KLHL14: variants seen among roughly 807,000 people sequenced by gnomAD.
The protein encoded by KLHL14 is kelch like family member 14.
A neutral mutation model predicts 64.3 loss-of-function variants in KLHL14; 22 were observed. The ratio of observed to expected loss-of-function variants is 0.34; its 90% CI spans 0.24 to 0.49. The LOEUF (loss-of-function observed/expected upper bound fraction) is 0.49, where lower values mean the gene tolerates loss of function less well. Among genes scored for constraint, KLHL14 ranks in the 20% least tolerant of loss-of-function variants. The pLI is 0.99. For missense variants in KLHL14, 661 were observed against 789.0 expected (o/e 0.84, Z 1.94); for synonymous variants, 322 against 333.4 (o/e 0.97, Z 0.37).
chr18:32,682,591 C>G (rs1487916542), intron 5 of KLHL14, among the ~76,000 whole-genome samples: 1 of 152,084 alleles, frequency 6.6e-6, no homozygotes, highest in African/African-American at 2.4e-5. Flanking sequence ...TGAGATTTTT[C>G]TGGTATGAGG....
chr18:32,680,066 T>G lies in KLHL14; in HGVS notation c.1588+103A>C, dbSNP rs916220418. 6 of 1,185,822 alleles carry G rather than the reference T, an allele frequency of 5.1e-6. No homozygotes were observed. The highest frequency in any genetic ancestry group is 7.0e-6 in the Non-Finnish European group (6 of 854,820). 73.5% of individuals were successfully genotyped at this position (1,185,822 alleles called of 1,614,324 possible). A position where few individuals can be genotyped will look rare whatever the true frequency, so the allele number is the denominator to read the frequency against. On this transcript the variant is annotated intron_variant, in intron 7 of 8. Coordinates refer to ENST00000359358, the MANE Select transcript of KLHL14 (RefSeq NM_020805.3). This position sits in a 1 kb window ranked among gnomAD's most constrained non-coding sequence, Gnocchi z 4.8. ...GTAGATTTTATTAGGTCAACATGTTTTTTACTTGGTTAACTATGATTATCT... is the reference window on the plus strand; with the variant it reads ...GTAGATTTTATTAGGTCAACATGTTGTTTACTTGGTTAACTATGATTATCT...
intron 3 of KLHL14, among the ~76,000 whole-genome samples, chr18:32,700,913 G>T (rs2049963277): frequency 6.6e-6 from 1 of 152,144 alleles, no homozygotes; most frequent in Admixed American, 6.6e-5. Context: ...TGTGCAGGGT[G>T]CAGGTGCAAG....
intron 2 of KLHL14, among the ~76,000 whole-genome samples, chr18:32,756,780 T>C (rs1436755316): frequency 1.3e-5 from 2 of 152,358 alleles, no homozygotes; most frequent in Middle Eastern, 3.4e-3. Context: ...TTGTCAGGAT[T>C]CTAGGTGTTC....
Position 32,769,821 on chromosome 18 carries a change from C to T in KLHL14, c.771G>A (p.Ala257=), listed in dbSNP as rs770735957. 2.5e-6 allele frequency: 4 copies of T among 1,613,518 alleles called. No homozygotes were observed. The highest frequency in any genetic ancestry group is 3.4e-6 in the Non-Finnish European group (4 of 1,179,864). ...EHDRETRMQY[A]PDLMKRLRFA... is the part of the protein sequence containing the mutation. ...AGCGGAGGCGCTTCATGAGGTCAGG[C>T]GCATACTGCATGCGGGTCTCGCGGT... The change falls in exon 2 of 9, where the codon GCG becomes GCA. Residue 257 remains alanine, a synonymous_variant. Coordinates refer to ENST00000359358, the MANE Select transcript of KLHL14 (RefSeq NM_020805.3).
Position 32,683,354 on chromosome 18 carries a change from G to GACTT in KLHL14, c.1239-2759_1239-2756dup, listed in dbSNP as rs199679817. Among the ~76,000 whole-genome samples the GACTT allele has an allele frequency of 9.3e-3, 1,413 of 152,198 alleles. 17 individuals carry two copies. The highest frequency in any genetic ancestry group is 0.012 in the Non-Finnish European group (829 of 68,004). ...CCAATAGTAAAGATTCTGAGTCTTT[G>GACTT]ACTTATTCCCTTGCATGACCAAAGT... On this transcript the variant is annotated intron_variant, in intron 5 of 8. Coordinates refer to ENST00000359358, the MANE Select transcript of KLHL14 (RefSeq NM_020805.3). This position sits in a 1 kb window ranked among gnomAD's most constrained non-coding sequence, Gnocchi z 4.2.
chr18:32,741,855 T>G, intron 3 of KLHL14, 73 bp downstream of exon 3: 1 of 1,391,886 alleles, frequency 7.2e-7, no homozygotes, highest in African/African-American at 1.5e-5. Context: ...TTAACCATGT[T>G]TTCAAATTCA....
chr18:32,747,887 G>A (rs565134575), intron 2 of KLHL14, among the ~76,000 whole-genome samples: 34 of 152,184 alleles, frequency 2.2e-4, no homozygotes, highest in African/African-American at 8.0e-4. Context: ...ACAGCTATGC[G>A]TGACTATTTT....
chr18:32,764,313 T>TA (rs2050329429), intron 2 of KLHL14, among the ~76,000 whole-genome samples: 1 of 152,188 alleles, frequency 6.6e-6, no homozygotes, highest in South Asian at 2.1e-4. Context: ...TCCATTGTTT[T>TA]AATTAATCAC....
At chr18:32,684,278 A>G (rs1413934987) in intron 5 of KLHL14, among the ~76,000 whole-genome samples, 1 of 152,202 alleles carries the variant, frequency 6.6e-6, no homozygotes, top group Non-Finnish European at 1.5e-5. Flanking sequence ...CAGGCATGCA[A>G]TTCATGAGCT....
intron 3 of KLHL14, among the ~76,000 whole-genome samples, chr18:32,699,986 A>G (rs1003047374): frequency 2.0e-5 from 3 of 151,630 alleles, no homozygotes; most frequent in Non-Finnish European, 4.4e-5. Context: ...GATTCAAAAT[A>G]CCTTGGTTAC....
intron 3 of KLHL14, 113 bp from the exon 4 acceptor site, chr18:32,695,665 G>T (rs2049933240): frequency 1.5e-6 from 1 of 681,526 alleles, no homozygotes; most frequent in Non-Finnish European, 2.5e-6. Context: ...GACTGAGTCA[G>T]AGGAAGAAGA....
At chr18:32,685,252 T>C (rs1394611808) in intron 5 of KLHL14, among the ~76,000 whole-genome samples, 2 of 152,136 alleles carry the variant, frequency 1.3e-5, no homozygotes, top group African/African-American at 4.8e-5. Flanking sequence ...CATTACAGAC[T>C]ATCAAGTAAA....
intron 2 of KLHL14, among the ~76,000 whole-genome samples, chr18:32,759,317 T>G (rs2050301670): frequency 6.6e-6 from 1 of 152,172 alleles, no homozygotes; most frequent in Non-Finnish European, 1.5e-5. Flanking sequence ...CAGAATAGTG[T>G]CAATACTCAC....
In KLHL14 at chr18:32,687,057, G is replaced by A. The variant is rs574637630; in HGVS notation, c.1238+98C>T. ...TATTTTGCCTCATATGTCTTTCATT[G>A]ACTCTATTTAGCATTCCTTCTTACA... is the stretch of plus-strand genomic sequence containing the variant. On this transcript the variant is annotated intron_variant, in intron 5 of 8. Transcript: ENST00000359358. 1,701 of 963,436 alleles carry A rather than the reference G, an allele frequency of 1.8e-3. 13 individuals are homozygous for A. The highest frequency in any genetic ancestry group is 0.015 in the South Asian group (1,087 of 71,648). 59.7% of individuals were successfully genotyped at this position (963,436 alleles called of 1,614,324 possible).
intron 3 of KLHL14, among the ~76,000 whole-genome samples, chr18:32,723,882 T>A (rs754563001): frequency 1.3e-5 from 2 of 152,190 alleles, no homozygotes; most frequent in Non-Finnish European, 2.9e-5. Flanking sequence ...CCCTATGTTA[T>A]ATACCAAGCA....
intron 3 of KLHL14, among the ~76,000 whole-genome samples, chr18:32,726,913 A>G (rs942250835): frequency 1.0e-3 from 153 of 152,290 alleles, no homozygotes; most frequent in Non-Finnish European, 3.4e-4. Flanking sequence ...ATTTTCCAGT[A>G]GTGTTCCTGG....
At position 32,672,920 on chromosome 18, in the gene KLHL14, G is replaced by A. The variant is rs912101245; in HGVS notation, c.*1737C>T. ...AAGCAAAGGTTCTTGTACAAATTGT[G>A]ACTTTTGGAAGAAACAGTGACAGTT... On this transcript the variant is annotated 3_prime_UTR_variant, in exon 9 of 9. Transcript: ENST00000359358. 3.3e-5 allele frequency: 5 copies of A among 152,590 alleles called. No homozygotes were observed. The highest frequency in any genetic ancestry group is 9.7e-5 in the African/African-American group (4 of 41,440). The allele number at this position is 152,590 out of a possible 1,614,324, so 9.5% of individuals were successfully genotyped here. A position where few individuals can be genotyped will look rare whatever the true frequency, so the allele number is the denominator to read the frequency against.
chr18:32,755,999 C>G (rs892198041), intron 2 of KLHL14, among the ~76,000 whole-genome samples: 2 of 152,124 alleles, frequency 1.3e-5, no homozygotes, highest in Non-Finnish European at 2.9e-5. Context: ...GTTAATTTCC[C>G]TGTTTTCTAA....
In KLHL14 at chr18:32,743,888, G is replaced by C. The variant is rs146515554; in HGVS notation, c.948-1839C>G. Reference sequence around the variant, plus strand: ...GATATATGACCATTTTTTTCTTATTGTAGTTTTTAGCCCAAATAACCACTC... The same window carrying C: ...GATATATGACCATTTTTTTCTTATTCTAGTTTTTAGCCCAAATAACCACTC... On this transcript the variant is annotated intron_variant, in intron 2 of 8. Transcript: ENST00000359358. 2.6e-5 allele frequency: 4 copies of C among 152,018 alleles called. No homozygotes were observed. In the East Asian group the frequency reaches 7.7e-4, roughly 29 times the overall value. The allele number at this position is 152,018 out of a possible 1,614,324, so 9.4% of individuals were successfully genotyped here.
Sources: allele counts gnomAD v4.1 joint callset (sites outside exome capture counted in the v4.1 genomes callset), GRCh38; gene constraint gnomAD v4.1.1; non-coding constraint Gnocchi (gnomAD v3.1); transcripts MANE v1.5; gene names NCBI Gene and HGNC (gene_info 2026-07-23, HGNC 2026-07-21).